The following NCOA3 variants were observed in gnomAD, a reference collection of about 807,000 sequenced individuals.
The protein encoded by NCOA3 is nuclear receptor coactivator 3, also known as CBP-interacting protein.
Under a neutral mutation model 158.8 loss-of-function variants are expected in NCOA3, and 51 were observed. That is an observed-to-expected ratio of 0.32 (90% CI 0.26 to 0.41). The LOEUF (loss-of-function observed/expected upper bound fraction) is 0.41, where lower values mean the gene tolerates loss of function less well. Ranked by LOEUF, NCOA3 falls within the 10% of genes least tolerant of loss-of-function variation. The probability of loss-of-function intolerance (pLI) is 1.00; values close to 1 mark genes in which losing one functional copy is unlikely to be tolerated. For missense variants in NCOA3, 1,510 were observed against 1,746.6 expected, an observed-to-expected ratio of 0.86 and a Z score of 2.41; for synonymous variants, 537 against 592.4, an observed-to-expected ratio of 0.91 and a Z score of 1.36.
At chr20:47,612,354 A>G (rs568155471) in intron 2 of NCOA3, among the ~76,000 whole-genome samples, 1 of 152,372 alleles carries the variant, frequency 6.6e-6, no homozygotes, top group African/African-American at 2.4e-5. Flanking sequence ...AAATAGTGTA[A>G]TATGTAAAAT....
intron 2 of NCOA3, among the ~76,000 whole-genome samples, chr20:47,591,741 T>TC (rs1459878469): frequency 1.9e-4 from 29 of 149,146 alleles, no homozygotes; most frequent in African/African-American, 5.0e-4. Context: ...TGTAACCTCC[T>TC]CCCCTTTTTT....
At chr20:47,530,295 A>T (rs1398591784) in intron 1 of NCOA3, among the ~76,000 whole-genome samples, 1 of 152,168 alleles carries the variant, frequency 6.6e-6, no homozygotes, top group Non-Finnish European at 1.5e-5. Flanking sequence ...TTTTAGTTAC[A>T]GTGCTGCATA....
At chr20:47,577,737 A>G (rs1051474777) in intron 1 of NCOA3, among the ~76,000 whole-genome samples, 3 of 152,230 alleles carry the variant, frequency 2.0e-5, no homozygotes, top group Admixed American at 2.0e-4. Context: ...TCGAATTAAA[A>G]TCTAACACAA....
At chr20:47,645,422 A>G (rs1470114496) in intron 17 of NCOA3, among the ~76,000 whole-genome samples, 5 of 151,956 alleles carry the variant, frequency 3.3e-5, no homozygotes, top group Non-Finnish European at 7.4e-5. Flanking sequence ...CTTGTTTTTC[A>G]TATGTATTTT....
Position 47,636,594 on chromosome 20 carries a change from A to C in NCOA3, c.2208A>C (p.Ala736=). The change falls in exon 12 of 23, where the codon GCA becomes GCC. Residue 736 remains alanine (A), a synonymous_variant. Transcript: ENST00000371998. ...QLSPKKKENN[A]LLRYLLDRDD... The stretch of plus-strand genomic sequence containing the variant: ...GTCCTAAGAAGAAGGAGAATAATGC[A>C]CTTCTTAGATACCTGCTGGACAGGG... 1.2e-6 allele frequency: 2 copies of C among 1,614,208 alleles called. No homozygotes were observed. Among genetic ancestry groups the C allele is most frequent in the Non-Finnish European group, 8.5e-7 (1 of 1,180,032 alleles).
rs2146322151 is a variant in NCOA3 at position 47,636,257 on chromosome 20, T to C, written c.1871T>C (p.Leu624Ser). Residue 624 changes from leucine (L) to serine (S), a missense_variant, in exon 12 of 23, where the codon TTA becomes TCA. Leu to Ser is a moderately radical substitution (Grantham distance 145). Transcript: ENST00000371998. ...AAAGGTCATAAAAAATTACTGCAGT[T>C]ACTTACCTGTTCTTCTGATGACCGG... ...ESKGHKKLLQ[L>S]LTCSSDDRGH... is the part of the protein sequence containing the mutation. The C allele has an allele frequency of 6.2e-7, 1 of 1,614,170 alleles. No individual in the cohort carries two copies. Among genetic ancestry groups the C allele is most frequent in the East Asian group, 2.2e-5 (1 of 44,888 alleles).
intron 2 of NCOA3, among the ~76,000 whole-genome samples, chr20:47,611,571 C>A (rs1404015671): frequency 1.3e-5 from 2 of 152,090 alleles, no homozygotes; most frequent in Non-Finnish European, 2.9e-5. Flanking sequence ...GTAGGTTGGT[C>A]ACCTGAGGTC....
chr20:47,568,101 A>T (rs1000293708), intron 1 of NCOA3, among the ~76,000 whole-genome samples: 2 of 152,188 alleles, frequency 1.3e-5, no homozygotes, highest in Admixed American at 6.5e-5. Context: ...ATTTCCTTTC[A>T]AGTTCTATTT....
intron 2 of NCOA3, among the ~76,000 whole-genome samples, chr20:47,616,048 C>T (rs965150807): frequency 4.0e-5 from 6 of 151,762 alleles, no homozygotes; most frequent in African/African-American, 1.4e-4. Flanking sequence ...GTCCCAGCTA[C>T]TCAGGAGGCT....
intron 2 of NCOA3, among the ~76,000 whole-genome samples, chr20:47,595,480 G>A (rs939896356): frequency 2.0e-5 from 3 of 152,172 alleles, no homozygotes; most frequent in Non-Finnish European, 4.4e-5. Context: ...ACTTGCAAAG[G>A]ACCGTGATTT....
At position 47,553,892 on chromosome 20, in the gene NCOA3, A is replaced by G. The variant is rs977576431; in HGVS notation, c.-98-29291A>G. Among the ~76,000 whole-genome samples the G allele has an allele frequency of 1.4e-4, 22 of 152,338 alleles. 2 individuals are homozygous for G. The East Asian group carries it at 4.2e-3, about 29-fold the overall frequency. Reference sequence around the variant, plus strand: ...ATGTGTCTTTATAGCAGCATGATTTATAATCCTTTGGGTATATGCCCAGTA... The same window carrying G: ...ATGTGTCTTTATAGCAGCATGATTTGTAATCCTTTGGGTATATGCCCAGTA... On this transcript the variant is annotated intron_variant, in intron 1 of 22. Transcript: ENST00000371998.
chr20:47,636,931 A>C (rs2086525506), intron 12 of NCOA3, among the ~76,000 whole-genome samples, 169 bp downstream of exon 12: 1 of 152,220 alleles, frequency 6.6e-6, no homozygotes, highest in African/African-American at 2.4e-5. Context: ...TAATTTAGAA[A>C]TAACAGATGT....
rs747049477 is a variant in NCOA3, at chr20:47,642,286, G to A, written c.3154G>A (p.Ala1052Thr). ...CCTGGAAGGCCAGAGTGACGAAAGA[G>A]CATTATTGGACCAGCTGCACACTCT... is the stretch of plus-strand genomic sequence containing the variant. Reference protein sequence around the residue: ...SNLEGQSDERALLDQLHTLLS... With the variant: ...SNLEGQSDERTLLDQLHTLLS... The change falls in exon 17 of 23, where the codon GCA becomes ACA. Residue 1052 changes from alanine (A) to threonine (T), a missense_variant. Around this residue, in one of 4 missense-constraint regions of NCOA3, gnomAD observed 1,017 missense variants for 1,098.3 expected, o/e 0.93. Coordinates refer to ENST00000371998, the MANE Select transcript of NCOA3 (RefSeq NM_181659.3). The A allele has an allele frequency of 4.3e-6, 7 of 1,613,352 alleles. No homozygotes were observed. Among genetic ancestry groups the A allele is most frequent in the African/African-American group, 2.7e-5 (2 of 75,004 alleles).
chr20:47,595,793 C>T (rs913169401), intron 2 of NCOA3, among the ~76,000 whole-genome samples: 1 of 151,624 alleles, frequency 6.6e-6, no homozygotes, highest in Admixed American at 6.6e-5. Context: ...GTTGAGTTTA[C>T]CTTTCGATGT....
At chr20:47,574,164 A>G (rs551389623) in intron 1 of NCOA3, among the ~76,000 whole-genome samples, 36 of 152,210 alleles carry the variant, frequency 2.4e-4, no homozygotes, top group Admixed American at 1.6e-3. Flanking sequence ...TGCGTTCGTC[A>G]TACAACCGCT....
At chr20:47,565,678 T>C (rs2085181746) in intron 1 of NCOA3, among the ~76,000 whole-genome samples, 1 of 151,986 alleles carries the variant, frequency 6.6e-6, no homozygotes, top group Admixed American at 6.6e-5. Context: ...GTCATGCCAC[T>C]GCACTCCAGC....
At chr20:47,575,050 A>G (rs1665121809) in intron 1 of NCOA3, among the ~76,000 whole-genome samples, 1 of 152,092 alleles carries the variant, frequency 6.6e-6, no homozygotes, top group African/African-American at 2.4e-5. Flanking sequence ...GCTGCTGGAG[A>G]TGGAATCCTA....
intron 1 of NCOA3, among the ~76,000 whole-genome samples, chr20:47,549,997 G>C (rs2084903808): frequency 6.6e-6 from 1 of 152,116 alleles, no homozygotes; most frequent in African/African-American, 2.4e-5. Flanking sequence ...GAGCCACTGT[G>C]CTGGCTGTTC....
At chr20:47,543,894 A>G (rs771405676) in intron 1 of NCOA3, among the ~76,000 whole-genome samples, 4 of 152,156 alleles carry the variant, frequency 2.6e-5, no homozygotes, top group Non-Finnish European at 4.4e-5. Flanking sequence ...GTTAGACTCT[A>G]TTTACTAGTA....
Sources: allele counts gnomAD v4.1 joint callset (sites outside exome capture counted in the v4.1 genomes callset), GRCh38; gene constraint gnomAD v4.1.1; regional missense constraint gnomAD v4.1.1; transcripts MANE v1.5; gene names NCBI Gene and HGNC (gene_info 2026-07-23, HGNC 2026-07-21).